SLC22A23: variants seen among roughly 807,000 people sequenced by gnomAD.
SLC22A23 encodes the protein solute carrier family 22 member 23.
In SLC22A23, 26 loss-of-function variants were observed where a neutral mutation model predicts 61.0. That is an observed-to-expected ratio of 0.43 (90% CI 0.31 to 0.59). The LOEUF is 0.59. SLC22A23 is among the 20% of genes least tolerant of loss of function. The probability of loss-of-function intolerance (pLI) is 0.11; values close to 1 mark genes in which losing one functional copy is unlikely to be tolerated. For missense variants in SLC22A23, 796 were observed against 934.7 expected, an observed-to-expected ratio of 0.85 and a Z score of 1.94; for synonymous variants, 430 against 413.9, an observed-to-expected ratio of 1.04 and a Z score of -0.47.
At position 3,308,859 on chromosome 6, in the gene SLC22A23, C is replaced by G. The variant is rs1184882832; in HGVS notation, c.1083-10641G>C. ...TCAGGAGTCTAAGGCAGGAGAATCA[C>G]TTGAACCTGGGAGGCAGAGGTTGCA... On this transcript the variant is annotated intron_variant, in intron 4 of 9. Coordinates refer to ENST00000406686, the MANE Select transcript of SLC22A23 (RefSeq NM_015482.2). This position sits in a 1 kb window ranked among gnomAD's most constrained non-coding sequence, Gnocchi z 5.1. 1.6e-4 allele frequency among the ~76,000 whole-genome samples: 24 copies of G among 151,806 alleles called. 1 individual carries two copies. Among genetic ancestry groups the G allele is most frequent in the Admixed American group, 1.6e-3 (24 of 15,238 alleles).
At chr6:3,374,253 A>AT (rs1206715796) in intron 3 of SLC22A23, among the ~76,000 whole-genome samples, 1 of 152,240 alleles carries the variant, frequency 6.6e-6, no homozygotes, top group Non-Finnish European at 1.5e-5. Flanking sequence ...GCTCTCAGCT[A>AT]TATGTCCAGG....
intron 1 of SLC22A23, among the ~76,000 whole-genome samples, chr6:3,421,102 AAAAAAAG>A (rs1411504545): frequency 6.6e-6 from 1 of 152,212 alleles, no homozygotes; most frequent in East Asian, 1.9e-4. Context: ...ATTGTTTCAA[AAAAAAAG>A]AAAAAAGAAA....
At chr6:3,316,234 T>C (rs1012711142) in intron 4 of SLC22A23, among the ~76,000 whole-genome samples, 8 of 152,236 alleles carry the variant, frequency 5.3e-5, no homozygotes, top group Non-Finnish European at 1.2e-4. Context: ...TTTTTTCATT[T>C]ATTGGTTCCC....
At chr6:3,275,957 C>G (rs1445460181) in intron 9 of SLC22A23, among the ~76,000 whole-genome samples, 1 of 152,226 alleles carries the variant, frequency 6.6e-6, no homozygotes, top group East Asian at 1.9e-4. Context: ...CCCAAAGAGG[C>G]TTGGGCAAAG....
rs546927247 is a variant in SLC22A23 at position 3,389,904 on chromosome 6, T to C, written c.913+20284A>G. 7.2e-5 allele frequency among the ~76,000 whole-genome samples: 11 copies of C among 152,336 alleles called. No homozygotes were observed. The South Asian group carries it at 2.1e-3, about 29-fold the overall frequency. On this transcript the variant is annotated intron_variant, in intron 3 of 9. Transcript: ENST00000406686. ...GCCTTGCTGGAACCGGTTTCAAAGA[T>C]TCGCTCTCATTGTTGCCTTTTGGCT...
At chr6:3,314,882 G>A (rs987754033) in intron 4 of SLC22A23, among the ~76,000 whole-genome samples, 7 of 152,022 alleles carry the variant, frequency 4.6e-5, no homozygotes, top group African/African-American at 9.7e-5. Context: ...GTGGGGAATC[G>A]GTTCTGTTCC....
chr6:3,368,191 T>C (rs930123701), intron 3 of SLC22A23, among the ~76,000 whole-genome samples: 1 of 152,226 alleles, frequency 6.6e-6, no homozygotes, highest in African/African-American at 2.4e-5. Context: ...CATCTGCATC[T>C]TGGGGATACG....
In SLC22A23 at chr6:3,270,440, T is replaced by A. The variant is rs1127470; in HGVS notation, c.*2615A>T. On this transcript the variant is annotated 3_prime_UTR_variant, in exon 10 of 10. Coordinates refer to ENST00000406686, the MANE Select transcript of SLC22A23 (RefSeq NM_015482.2). ...GAAGTGTTGCTGCTCTGGCAACATT[T>A]CATAAAGGTGTTGCTCAACAGCTTC... is the stretch of plus-strand genomic sequence containing the variant. 8,879 of 152,418 alleles carry A rather than the reference T, an allele frequency of 0.058. 300 individuals are homozygous for A. Among genetic ancestry groups the A allele is most frequent in the East Asian group, 0.11 (581 of 5,304 alleles). The allele number at this position is 152,418 out of a possible 1,614,324, so 9.4% of individuals were successfully genotyped here.
intron 1 of SLC22A23, among the ~76,000 whole-genome samples, chr6:3,424,718 G>A (rs1770370671): frequency 6.6e-6 from 1 of 152,206 alleles, no homozygotes. Context: ...TGCTGTCTGT[G>A]TTTGTAAATA....
At chr6:3,402,411 G>C (rs946542474) in intron 3 of SLC22A23, among the ~76,000 whole-genome samples, 11 of 27,512 alleles carry the variant, frequency 4.0e-4, no homozygotes, top group Admixed American at 2.6e-3. Flanking sequence ...TCATAATTTA[G>C]ATTCCGACCC....
intron 1 of SLC22A23, among the ~76,000 whole-genome samples, chr6:3,432,934 G>T (rs1043344781): frequency 1.3e-5 from 2 of 152,216 alleles, no homozygotes; most frequent in African/African-American, 4.8e-5. Context: ...ATTCTGCAGA[G>T]CAGGTTCCAT....
At chr6:3,384,280 T>C (rs532334406) in intron 3 of SLC22A23, among the ~76,000 whole-genome samples, 19 of 152,382 alleles carry the variant, frequency 1.2e-4, no homozygotes, top group Admixed American at 7.8e-4. Context: ...TCTCCTATCA[T>C]ACGTCTGCTT....
In SLC22A23 at chr6:3,329,125, T is replaced by C. The variant is rs1190511270; in HGVS notation, c.914-5123A>G. On this transcript the variant is annotated intron_variant, in intron 3 of 9. Transcript: ENST00000406686. The surrounding 1 kb of genome is among the most constrained non-coding windows in gnomAD (Gnocchi z 4.8). ...GGCTAAGGCATCTGCCCACCAGAAA[T>C]ACCAGGGGTGGCCAAAGTTTTAACA... Among the ~76,000 whole-genome samples, 1 of 152,102 alleles carries C rather than the reference T, an allele frequency of 6.6e-6. No individual in the cohort carries two copies. The highest frequency in any genetic ancestry group is 1.9e-4 in the East Asian group (1 of 5,202).
chr6:3,316,278 A>G (rs1311992521), intron 4 of SLC22A23, among the ~76,000 whole-genome samples: 1 of 152,226 alleles, frequency 6.6e-6, no homozygotes, highest in Admixed American at 6.5e-5. Context: ...CACCAACTCC[A>G]CCAACCTCTG....
At position 3,411,785 on chromosome 6, in the gene SLC22A23, C is replaced by T. The variant is rs374251215; in HGVS notation, c.759-1443G>A. ...TTGGTTTAGTGAAACAAGGCCAAGGCTAGGAGCTCAATGTAAGTCAATAAT... is the reference window on the plus strand; with the variant it reads ...TTGGTTTAGTGAAACAAGGCCAAGGTTAGGAGCTCAATGTAAGTCAATAAT... On this transcript the variant is annotated intron_variant, in intron 2 of 9. Coordinates refer to ENST00000406686, the MANE Select transcript of SLC22A23 (RefSeq NM_015482.2). Among the ~76,000 whole-genome samples the T allele has an allele frequency of 7.4e-4, 112 of 152,318 alleles. 3 individuals are homozygous for T. The highest frequency in any genetic ancestry group is 2.6e-3 in the African/African-American group (108 of 41,568).
At chr6:3,403,351 GA>G (rs893516163) in intron 3 of SLC22A23, among the ~76,000 whole-genome samples, 100 of 140,904 alleles carry the variant, frequency 7.1e-4, no homozygotes, top group African/African-American at 1.8e-3. Flanking sequence ...TCCAGGTGTG[GA>G]AAAAAAAAAA....
At chr6:3,294,502 G>C (rs74564443) in intron 5 of SLC22A23, among the ~76,000 whole-genome samples, 3,318 of 152,204 alleles carry the variant, frequency 0.022, 120 homozygotes, top group African/African-American at 0.076. Flanking sequence ...AAACACTTCT[G>C]GTCCCGAGCA....
chr6:3,306,187 T>C (rs1035872008), intron 4 of SLC22A23, among the ~76,000 whole-genome samples: 2 of 152,028 alleles, frequency 1.3e-5, no homozygotes, highest in Admixed American at 1.3e-4. Flanking sequence ...AACCAGCCCT[T>C]GAATGGCCTA....
At position 3,297,153 on chromosome 6, in the gene SLC22A23, TC is replaced by T. The variant is rs541140263; in HGVS notation, c.1210+937del. On this transcript the variant is annotated intron_variant, in intron 5 of 9. Coordinates refer to ENST00000406686, the MANE Select transcript of SLC22A23 (RefSeq NM_015482.2). The surrounding 1 kb of genome is among the most constrained non-coding windows in gnomAD (Gnocchi z 4.3). ...ACGTGAGAGCAAGGCTTTGCCTGTGTCTTCTCTGCTCTAGAATAGCGCCTGA... is the reference window on the plus strand; with the variant it reads ...ACGTGAGAGCAAGGCTTTGCCTGTGTTTCTCTGCTCTAGAATAGCGCCTGA... 6.6e-6 allele frequency among the ~76,000 whole-genome samples: 1 copy of T among 152,378 alleles called. No individual in the cohort carries two copies. Among genetic ancestry groups the T allele is most frequent in the East Asian group, 1.9e-4 (1 of 5,184 alleles).
Sources: gnomAD v4.1 joint callset for allele counts (sites outside exome capture counted in the v4.1 genomes callset) on GRCh38, gnomAD v4.1.1 for gene constraint, Gnocchi (gnomAD v3.1) non-coding constraint, MANE v1.5 for transcripts, NCBI Gene and HGNC (gene_info 2026-07-23, HGNC 2026-07-21) for gene names.